Variants in BMP7 observed in about 807,000 individuals in gnomAD.
BMP7 encodes the protein osteogenic protein 1.
BMP7 carries 12 observed loss-of-function variants against 41.2 expected under a neutral mutation model. The observed-to-expected ratio is 0.29, with a 90% CI of 0.19 to 0.47. The LOEUF is 0.47. Among genes scored for constraint, BMP7 ranks in the 20% least tolerant of loss-of-function variants. The pLI is 0.99. For synonymous variants in BMP7, 248 were observed against 250.0 expected (o/e 0.99, Z 0.07); for missense variants, 467 against 606.0 (o/e 0.77, Z 2.41).
At chr20:57,189,720 G>A (rs539561138) in intron 3 of BMP7, among the ~76,000 whole-genome samples, 51 of 152,334 alleles carry the variant, frequency 3.3e-4, no homozygotes, top group Admixed American at 1.3e-3. Flanking sequence ...CTCTCCTAAC[G>A]TAGGTTCTGT....
intron 2 of BMP7, chr20:57,225,832 C>T (rs76027718): frequency 0.012 from 5,593 of 470,914 alleles, 269 homozygotes; most frequent in African/African-American, 0.1. Flanking sequence ...CACCCTATTC[C>T]CTTCCTTGCT....
chr20:57,202,540 C>T lies in BMP7; in HGVS notation c.695G>A (p.Ser232Asn), dbSNP rs1984646666. ...CCGCGGATTGACCACCCAGTGGTTGCTGGTGGCTGTGATGTCAAACACCAG... is the reference window on the plus strand; with the variant it reads ...CCGCGGATTGACCACCCAGTGGTTGTTGGTGGCTGTGATGTCAAACACCAG... Reference protein sequence around the residue: ...GWLVFDITATSNHWVVNPRHN... With the variant: ...GWLVFDITATNNHWVVNPRHN... The change falls in exon 3 of 7, where the codon AGC becomes AAC. Residue 232 changes from serine to asparagine, a missense_variant. By Grantham distance (46) the Ser-to-Asn change is conservative. Around this residue, in one of 2 missense-constraint regions of BMP7, gnomAD observed 407 missense variants for 485.9 expected, o/e 0.84. Transcript: ENST00000395863. The T allele has an allele frequency of 6.2e-7, 1 of 1,611,396 alleles. No homozygotes were observed. Among genetic ancestry groups the T allele is most frequent in the South Asian group, 1.1e-5 (1 of 91,048 alleles).
At chr20:57,255,799 CA>C (rs3067106) in intron 1 of BMP7, among the ~76,000 whole-genome samples, 192 of 48,610 alleles carry the variant, frequency 3.9e-3, no homozygotes, top group Admixed American at 5.7e-3. Context: ...GACTCCATCT[CA>C]AAAAAAAAAA....
chr20:57,207,908 C>A (rs550024658), intron 2 of BMP7, among the ~76,000 whole-genome samples: 1 of 148,110 alleles, frequency 6.8e-6, no homozygotes, highest in Non-Finnish European at 1.5e-5. Flanking sequence ...CGGCTCACTG[C>A]AAGCTCCGCT....
intron 3 of BMP7, among the ~76,000 whole-genome samples, chr20:57,199,258 C>T (rs1364290226): frequency 2.6e-5 from 4 of 152,140 alleles, no homozygotes; most frequent in Non-Finnish European, 5.9e-5. Flanking sequence ...ACCCAGAACC[C>T]GAGGGGTACC....
intron 2 of BMP7, among the ~76,000 whole-genome samples, chr20:57,222,858 GCTTCCAGA>G: frequency 7.9e-6 from 1 of 126,890 alleles, no homozygotes; most frequent in African/African-American, 4.9e-5. Context: ...GCTTCCAGAA[GCTTCCAGA>G]AGCCTCTGGA....
At chr20:57,247,851 G>C (rs894880860) in intron 1 of BMP7, among the ~76,000 whole-genome samples, 1 of 152,168 alleles carries the variant, frequency 6.6e-6, no homozygotes, top group African/African-American at 2.4e-5. Flanking sequence ...CTTCCTCCCA[G>C]GGGACAATAA....
At chr20:57,191,876 TTATATAGTA>T (rs1451169847) in intron 3 of BMP7, among the ~76,000 whole-genome samples, 7 of 135,196 alleles carry the variant, frequency 5.2e-5, no homozygotes, top group East Asian at 4.1e-4. Context: ...ATACTATATA[TTATATAGTA>T]TATATAGTAT....
intron 1 of BMP7, among the ~76,000 whole-genome samples, chr20:57,260,760 C>T (rs2066150856): frequency 6.6e-6 from 1 of 152,256 alleles, no homozygotes; most frequent in Admixed American, 6.5e-5. Context: ...CACATCCCTG[C>T]CTGTGCCCTA....
chr20:57,230,376 A>G (rs1003850232), intron 1 of BMP7, among the ~76,000 whole-genome samples: 1 of 152,086 alleles, frequency 6.6e-6, no homozygotes, highest in African/African-American at 2.4e-5. Context: ...AAGGCGGGGC[A>G]AAGGGCCTGA....
At chr20:57,236,922 T>G (rs2066050012) in intron 1 of BMP7, among the ~76,000 whole-genome samples, 1 of 152,192 alleles carries the variant, frequency 6.6e-6, no homozygotes. Flanking sequence ...GATAAATGGA[T>G]AGTAAATAAT....
At chr20:57,238,819 A>T (rs1216778447) in intron 1 of BMP7, among the ~76,000 whole-genome samples, 1 of 152,194 alleles carries the variant, frequency 6.6e-6, no homozygotes, top group Non-Finnish European at 1.5e-5. Flanking sequence ...ATGGGGAAGA[A>T]GCAAAGCTGA....
rs1421057827 is a variant in BMP7 at position 57,228,266 on chromosome 20, T to G, written c.574A>C (p.Ile192Leu). 3 of 1,613,972 alleles carry G rather than the reference T, an allele frequency of 1.9e-6. No individual in the cohort carries two copies. The Admixed American group carries it at 5.0e-5, about 27-fold the overall frequency. The change falls in exon 2 of 7, where the codon ATC becomes CTC. Residue 192 changes from isoleucine (I) to leucine (L), a missense_variant. This residue lies in a region of BMP7 where 407 missense variants were observed against 485.9 expected (regional missense o/e 0.84). Transcript: ENST00000395863. The surrounding 1 kb of genome is among the most constrained non-coding windows in gnomAD (Gnocchi z 4.5). ...TCCTGGAGCACCTGATAAACGCTGATCCGGAACGTCTCATTGTCGAAGCGT... is the reference window on the plus strand; with the variant it reads ...TCCTGGAGCACCTGATAAACGCTGAGCCGGAACGTCTCATTGTCGAAGCGT... ...RERFDNETFRISVYQVLQEHL... is the reference protein window; with the variant it reads ...RERFDNETFRLSVYQVLQEHL...
At chr20:57,175,692 C>T (rs1352610801) in intron 4 of BMP7, among the ~76,000 whole-genome samples, 4 of 152,210 alleles carry the variant, frequency 2.6e-5, no homozygotes, top group African/African-American at 9.6e-5. Context: ...TGTCTTGTCT[C>T]TCTCTCACAC....
At chr20:57,182,434 C>T (rs1478780303) in intron 4 of BMP7, among the ~76,000 whole-genome samples, 1 of 152,258 alleles carries the variant, frequency 6.6e-6, no homozygotes, top group African/African-American at 2.4e-5. Context: ...GCCCCAGTGC[C>T]CGGGACAAAG....
intron 1 of BMP7, among the ~76,000 whole-genome samples, chr20:57,254,977 A>T (rs2066128620): frequency 6.6e-6 from 1 of 152,078 alleles, no homozygotes. Context: ...ATGCCCTGAC[A>T]ATTATTTTTA....
chr20:57,172,502 C>T (rs755225762), intron 6 of BMP7, among the ~76,000 whole-genome samples: 5 of 152,174 alleles, frequency 3.3e-5, no homozygotes, highest in Non-Finnish European at 5.9e-5. Flanking sequence ...CTCTCTGTCA[C>T]TAGAAGCATT....
chr20:57,255,799 CAAAAAAAAAAA>C (rs3067106), intron 1 of BMP7, among the ~76,000 whole-genome samples: 6 of 48,624 alleles, frequency 1.2e-4, no homozygotes, highest in South Asian at 1.5e-3. Context: ...GACTCCATCT[CAAAAAAAAAAA>C]AAAAAAAAAA....
intron 4 of BMP7, among the ~76,000 whole-genome samples, chr20:57,178,703 G>C (rs568180683): frequency 1.6e-4 from 24 of 152,256 alleles, no homozygotes; most frequent in Admixed American, 8.5e-4. Flanking sequence ...CTTCCCTGTG[G>C]GGGGGTAGAA....
Sources: gnomAD v4.1 joint callset for allele counts (sites outside exome capture counted in the v4.1 genomes callset) on GRCh38, gnomAD v4.1.1 for gene constraint, gnomAD v4.1.1 regional missense constraint, Gnocchi (gnomAD v3.1) non-coding constraint, MANE v1.5 for transcripts, NCBI Gene and HGNC (gene_info 2026-07-23, HGNC 2026-07-21) for gene names.